Variants in CLSTN2 observed in about 807,000 individuals in gnomAD.
CLSTN2 encodes calsyntenin 2, also known as calsyntenin-2.
CLSTN2 carries 48 observed loss-of-function variants against 101.2 expected under a neutral mutation model. The observed-to-expected ratio is 0.47, with a 90% confidence interval of 0.38 to 0.60. The LOEUF (loss-of-function observed/expected upper bound fraction) is 0.60, where lower values mean the gene tolerates loss of function less well. Ranked by LOEUF, CLSTN2 falls within the 20% of genes least tolerant of loss-of-function variation. The pLI, the probability that CLSTN2 is intolerant of heterozygous loss-of-function variation, is 0.00. For synonymous variants in CLSTN2, 481 were observed against 463.6 expected (o/e 1.04, Z -0.48); for missense variants, 1,160 against 1,238.2 (o/e 0.94, Z 0.95).
chr3:140,058,005 A>T (rs972933792), intron 1 of CLSTN2, among the ~76,000 whole-genome samples: 1 of 152,210 alleles, frequency 6.6e-6, no homozygotes, highest in Admixed American at 6.5e-5. Flanking sequence ...GCAAGGCCTT[A>T]TTAGTAGAAC....
intron 1 of CLSTN2, among the ~76,000 whole-genome samples, chr3:140,102,681 G>A (rs888304588): frequency 1.3e-5 from 2 of 152,196 alleles, no homozygotes; most frequent in Non-Finnish European, 2.9e-5. Flanking sequence ...TGGTATGAGA[G>A]GCTGGGGAAC....
At chr3:140,476,845 C>T (rs1244600856) in intron 8 of CLSTN2, among the ~76,000 whole-genome samples, 1 of 151,848 alleles carries the variant, frequency 6.6e-6, no homozygotes, top group African/African-American at 2.4e-5. Context: ...ATTTTTAGTA[C>T]AGATGGGATT....
chr3:140,563,855 G>T lies in CLSTN2; in HGVS notation c.2483-106G>T. 3 of 1,125,826 alleles carry T rather than the reference G, an allele frequency of 2.7e-6. No individual in the cohort carries two copies. In the South Asian group the frequency reaches 4.2e-5, roughly 16 times the overall value. The allele number at this position is 1,125,826 out of a possible 1,614,324, so 69.7% of individuals were successfully genotyped here. On this transcript the variant is annotated intron_variant, in intron 15 of 16. Coordinates refer to ENST00000458420, the MANE Select transcript of CLSTN2 (RefSeq NM_022131.3). ...CTCTAGAGTTCTACAGCTGGGAAGT[G>T]GTAGGGCAGACTTTATCCTATGCAC...
intron 2 of CLSTN2, among the ~76,000 whole-genome samples, chr3:140,276,969 A>T (rs189498161): frequency 4.3e-4 from 65 of 152,326 alleles, no homozygotes; most frequent in Admixed American, 1.0e-3. Context: ...ACACAGGAAC[A>T]GTCCATACAG....
intron 2 of CLSTN2, among the ~76,000 whole-genome samples, chr3:140,258,603 G>C (rs1001447765): frequency 6.6e-6 from 1 of 152,150 alleles, no homozygotes; most frequent in African/African-American, 2.4e-5. Context: ...CAAAGCTGAA[G>C]GAAGGATAAA....
chr3:140,500,663 G>A (rs1375255681), intron 8 of CLSTN2, among the ~76,000 whole-genome samples: 1 of 152,224 alleles, frequency 6.6e-6, no homozygotes, highest in East Asian at 1.9e-4. Flanking sequence ...CTGGGCTCTG[G>A]TCCCAGTCCC....
At chr3:139,994,974 C>A (rs918888083) in intron 1 of CLSTN2, among the ~76,000 whole-genome samples, 2 of 152,170 alleles carry the variant, frequency 1.3e-5, no homozygotes, top group Non-Finnish European at 2.9e-5. Flanking sequence ...GGCTTTAAAC[C>A]AAAAGAAAGA....
At chr3:140,377,042 A>AGAGAGAGAGAGAGGATG (rs143529942) in intron 2 of CLSTN2, among the ~76,000 whole-genome samples, 137 of 149,798 alleles carry the variant, frequency 9.1e-4, no homozygotes, top group Non-Finnish European at 1.1e-3. Context: ...GAGAGAGAGG[A>AGAGAGAGAGAGAGGATG]TGTGTGTGTG....
chr3:140,230,699 A>G (rs72988195), intron 2 of CLSTN2, among the ~76,000 whole-genome samples: 6,068 of 152,270 alleles, frequency 0.04, 374 homozygotes, highest in African/African-American at 0.14. Flanking sequence ...CTGAAACTGT[A>G]AGAAATAAAT....
chr3:140,044,457 C>T (rs945644656), intron 1 of CLSTN2, among the ~76,000 whole-genome samples: 1 of 152,202 alleles, frequency 6.6e-6, no homozygotes, highest in Non-Finnish European at 1.5e-5. Flanking sequence ...TCTAGATATA[C>T]AATCATGTCA....
At chr3:140,069,204 T>C (rs1008797706) in intron 1 of CLSTN2, among the ~76,000 whole-genome samples, 8 of 152,178 alleles carry the variant, frequency 5.3e-5, no homozygotes, top group Non-Finnish European at 1.2e-4. Context: ...CTTTGCAATG[T>C]GAGGACATAA....
At position 140,175,945 on chromosome 3, in the gene CLSTN2, T is replaced by C; in HGVS notation, c.110-6T>C. On this transcript the variant is annotated splice_region_variant and splice_polypyrimidine_tract_variant and intron_variant, in intron 1 of 16. Transcript: ENST00000458420. ...TCCTTTTTGTTTTTTCCCCCTTATT[T>C]TCTAGTCAATAAGCACAAGCCATGG... 1 of 1,607,876 alleles carries C rather than the reference T, an allele frequency of 6.2e-7. No individual in the cohort carries two copies. Among genetic ancestry groups the C allele is most frequent in the Non-Finnish European group, 8.5e-7 (1 of 1,176,564 alleles).
intron 7 of CLSTN2, among the ~76,000 whole-genome samples, chr3:140,463,337 A>G (rs1183824820): frequency 6.6e-6 from 1 of 152,210 alleles, no homozygotes; most frequent in Non-Finnish European, 1.5e-5. Flanking sequence ...TTTCTAAGAG[A>G]GAGGGGCCAA....
Position 140,173,650 on chromosome 3 carries a change from A to G in CLSTN2, c.110-2301A>G, listed in dbSNP as rs561594969. ...TGCCTGGGCATCCAGGCATTTCCAT[A>G]CATGTTCTGAAATTCAGGTGGAGGT... On this transcript the variant is annotated intron_variant, in intron 1 of 16. Transcript: ENST00000458420. Among the ~76,000 whole-genome samples the G allele has an allele frequency of 2.6e-5, 4 of 152,252 alleles. No individual in the cohort carries two copies. The East Asian group carries it at 7.7e-4, about 29-fold the overall frequency.
chr3:140,158,786 A>C (rs2009999231), intron 1 of CLSTN2, among the ~76,000 whole-genome samples: 1 of 152,230 alleles, frequency 6.6e-6, no homozygotes, highest in African/African-American at 2.4e-5. Context: ...CTATGCTATA[A>C]GGCTGCAGTA....
intron 1 of CLSTN2, among the ~76,000 whole-genome samples, chr3:140,105,245 T>G (rs2009036512): frequency 1.3e-5 from 2 of 152,378 alleles, no homozygotes; most frequent in African/African-American, 2.4e-5. Context: ...CAAAGTGCAT[T>G]CATATGCCTG....
chr3:140,027,517 T>A lies in CLSTN2; in HGVS notation c.109+92034T>A, dbSNP rs140777390. Among the ~76,000 whole-genome samples, 13 of 152,270 alleles carry A rather than the reference T, an allele frequency of 8.5e-5. No homozygotes were observed. The East Asian group carries it at 2.3e-3, about 27-fold the overall frequency. The stretch of plus-strand genomic sequence containing the variant: ...TTTAGACTTTTGGCCTCCACAGCCA[T>A]TGGAGAATACATTTCTTTTGTTTCA... On this transcript the variant is annotated intron_variant, in intron 1 of 16. Coordinates refer to ENST00000458420, the MANE Select transcript of CLSTN2 (RefSeq NM_022131.3).
rs57659394 is a variant in CLSTN2 at position 140,497,100 on chromosome 3, C to CAA, written c.1344+30386_1344+30387dup. 3.4e-3 allele frequency among the ~76,000 whole-genome samples: 302 copies of CAA among 87,900 alleles called. 3 individuals carry two copies. Among genetic ancestry groups the CAA allele is most frequent in the African/African-American group, 7.1e-3 (190 of 26,834 alleles). 57.7% of individuals were successfully genotyped at this position (87,900 alleles called of 152,430 possible). A position where few individuals can be genotyped will look rare whatever the true frequency, so the allele number is the denominator to read the frequency against. ...TGGGTGACACAGCGAGACTCCGTCTCAAAAAAAAAAAAAAAAAAGCAGCAG... is the reference window on the plus strand; with the variant it reads ...TGGGTGACACAGCGAGACTCCGTCTCAAAAAAAAAAAAAAAAAAAAGCAGCAG... On this transcript the variant is annotated intron_variant, in intron 8 of 16. Coordinates refer to ENST00000458420, the MANE Select transcript of CLSTN2 (RefSeq NM_022131.3).
chr3:140,436,356 T>C (rs936752815), intron 5 of CLSTN2, among the ~76,000 whole-genome samples: 1 of 152,252 alleles, frequency 6.6e-6, no homozygotes, highest in Non-Finnish European at 1.5e-5. Flanking sequence ...TTCCGCAGTG[T>C]ATGTTTCTGA....
Sources: gnomAD v4.1 joint callset for allele counts (sites outside exome capture counted in the v4.1 genomes callset) on GRCh38, gnomAD v4.1.1 for gene constraint, MANE v1.5 for transcripts, NCBI Gene and HGNC (gene_info 2026-07-23, HGNC 2026-07-21) for gene names.